CBLB: variants seen among roughly 807,000 people sequenced by gnomAD.
CBLB encodes Cbl proto-oncogene B.
In CBLB, 31 loss-of-function variants were observed where a neutral mutation model predicts 104.9. That is an observed-to-expected ratio of 0.30 (90% CI 0.22 to 0.40). CBLB has a LOEUF of 0.40. Among genes scored for constraint, CBLB ranks in the 10% least tolerant of loss-of-function variants. CBLB has a pLI of 1.00. For missense variants in CBLB, 1,062 were observed against 1,214.6 expected (o/e 0.87, Z 1.87); for synonymous variants, 440 against 422.6 (o/e 1.04, Z -0.51).
chr3:105,770,499 G>C (rs903244708), intron 4 of CBLB, among the ~76,000 whole-genome samples: 4 of 152,170 alleles, frequency 2.6e-5, no homozygotes, highest in African/African-American at 9.7e-5. Context: ...GGACCCTCTG[G>C]AAGTCAGCCA....
At chr3:105,778,074 T>C (rs896810076) in intron 3 of CBLB, among the ~76,000 whole-genome samples, 8 of 152,148 alleles carry the variant, frequency 5.3e-5, no homozygotes, top group African/African-American at 1.9e-4. Context: ...TCAGCTATTA[T>C]GCATGTGTAT....
At chr3:105,827,873 G>A (rs1008714841) in intron 3 of CBLB, among the ~76,000 whole-genome samples, 9 of 152,134 alleles carry the variant, frequency 5.9e-5, no homozygotes, top group Non-Finnish European at 1.2e-4. Context: ...ACATGAAAAT[G>A]CCTTCACATA....
intron 5 of CBLB, 134 bp from the exon 6 acceptor site, chr3:105,746,172 G>A: frequency 1.6e-6 from 1 of 639,464 alleles, no homozygotes; most frequent in Admixed American, 2.7e-5. Flanking sequence ...ATGTGGTTTA[G>A]GTCAACCTTT....
chr3:105,842,268 T>C (rs996048169), intron 3 of CBLB, among the ~76,000 whole-genome samples: 1 of 152,190 alleles, frequency 6.6e-6, no homozygotes, highest in African/African-American at 2.4e-5. Flanking sequence ...TAATAAATGG[T>C]TCATTTTCCC....
Position 105,655,751 on chromosome 3 carries a change from TC to T in CBLB, c.*3218del. On this transcript the variant is annotated 3_prime_UTR_variant, in exon 19 of 19. Coordinates refer to ENST00000394030, the MANE Select transcript of CBLB (RefSeq NM_170662.5). ...TTATTCAAGTATACTGTAATTTGCT[TC>T]CAAATCTGTTAGCTGAAGAGAGAAA... The T allele has an allele frequency of 4.8e-6, 1 of 207,464 alleles. No homozygotes were observed. Among genetic ancestry groups the T allele is most frequent in the Non-Finnish European group, 9.8e-6 (1 of 101,690 alleles). The allele number at this position is 207,464 out of a possible 1,614,324, so 12.9% of individuals were successfully genotyped here. A position where few individuals can be genotyped will look rare whatever the true frequency, so the allele number is the denominator to read the frequency against.
At chr3:105,810,561 C>T (rs1451710053) in intron 3 of CBLB, among the ~76,000 whole-genome samples, 1 of 151,860 alleles carries the variant, frequency 6.6e-6, no homozygotes, top group Non-Finnish European at 1.5e-5. Context: ...AATTCTAAAC[C>T]TCAAAATAAA....
At chr3:105,787,177 G>A (rs932920777) in intron 3 of CBLB, among the ~76,000 whole-genome samples, 1 of 152,110 alleles carries the variant, frequency 6.6e-6, no homozygotes, top group Non-Finnish European at 1.5e-5. Context: ...ATACAATGAC[G>A]ACTAAGCATT....
At chr3:105,869,256 AGGGGCCTGGACTCTCCC>A, upstream of CBLB, 1 of 733,474 alleles carries the variant, frequency 1.4e-6, no homozygotes, top group South Asian at 1.4e-5. Context: ...GAGAGAAATG[AGGGGCCTGGACTCTCCC>A]GGGAACGAAA....
chr3:105,851,088 T>C (rs1267938106), intron 3 of CBLB, among the ~76,000 whole-genome samples: 2 of 152,148 alleles, frequency 1.3e-5, no homozygotes, highest in African/African-American at 2.4e-5. Flanking sequence ...CAAATATTTA[T>C]TGCAACTTTA....
At chr3:105,730,324 C>T (rs961406719) in intron 9 of CBLB, among the ~76,000 whole-genome samples, 4 of 152,008 alleles carry the variant, frequency 2.6e-5, no homozygotes, top group African/African-American at 9.7e-5. Flanking sequence ...CTTAGATATT[C>T]TAGGATTCGT....
chr3:105,820,788 T>C (rs2153056853), intron 3 of CBLB, among the ~76,000 whole-genome samples: 1 of 152,270 alleles, frequency 6.6e-6, no homozygotes, highest in African/African-American at 2.4e-5. Flanking sequence ...GTACTACTTC[T>C]AGGAAATAAA....
At chr3:105,729,292 G>A (rs1447817822) in intron 9 of CBLB, among the ~76,000 whole-genome samples, 27 of 152,032 alleles carry the variant, frequency 1.8e-4, no homozygotes, top group Admixed American at 1.6e-3. Flanking sequence ...TTGGAGCTAA[G>A]GATTGTGTCT....
intron 3 of CBLB, among the ~76,000 whole-genome samples, chr3:105,823,070 G>A (rs2086104614): frequency 6.6e-6 from 1 of 152,126 alleles, no homozygotes; most frequent in Non-Finnish European, 1.5e-5. Flanking sequence ...AAAAGGCTCT[G>A]CTTGAATTTG....
upstream of CBLB, chr3:105,869,105 C>G: frequency 9.6e-6 from 9 of 937,982 alleles, no homozygotes; most frequent in Non-Finnish European, 1.2e-5. Context: ...CGCGCAACCG[C>G]GCACTGCCCG....
intron 3 of CBLB, among the ~76,000 whole-genome samples, chr3:105,848,309 T>C (rs1485892235): frequency 6.6e-6 from 1 of 152,098 alleles, no homozygotes; most frequent in Non-Finnish European, 1.5e-5. Context: ...TTATCTACTC[T>C]CAAGGCAAAA....
chr3:105,711,126 A>G (rs1559915772), intron 10 of CBLB, among the ~76,000 whole-genome samples: 1 of 152,054 alleles, frequency 6.6e-6, no homozygotes, highest in Non-Finnish European at 1.5e-5. Flanking sequence ...TAAAAACAGG[A>G]CAAGAGAAAA....
chr3:105,696,892 C>T (rs1055657872), intron 12 of CBLB, among the ~76,000 whole-genome samples: 3 of 151,906 alleles, frequency 2.0e-5, no homozygotes, highest in African/African-American at 7.2e-5. Flanking sequence ...TACATATTCT[C>T]CCACCTCCAT....
chr3:105,756,158 T>C (rs1315982453), intron 4 of CBLB, among the ~76,000 whole-genome samples: 1 of 152,192 alleles, frequency 6.6e-6, no homozygotes, highest in Non-Finnish European at 1.5e-5. Flanking sequence ...CTTTTAAATG[T>C]ATATAATCGT....
At chr3:105,793,309 C>T (rs1049071227) in intron 3 of CBLB, among the ~76,000 whole-genome samples, 4 of 151,946 alleles carry the variant, frequency 2.6e-5, no homozygotes, top group African/African-American at 9.7e-5. Flanking sequence ...CAAGCATGCC[C>T]AGCACTCTCT....
Sources: gnomAD v4.1 joint callset for allele counts (sites outside exome capture counted in the v4.1 genomes callset) on GRCh38, gnomAD v4.1.1 for gene constraint, MANE v1.5 for transcripts, NCBI Gene and HGNC (gene_info 2026-07-23, HGNC 2026-07-21) for gene names.